Variants in STIM2 observed in about 807,000 individuals in gnomAD.
STIM2 encodes the protein stromal interaction molecule 2.
In STIM2, 31 loss-of-function variants were observed where a neutral mutation model predicts 85.8. That is an observed-to-expected ratio of 0.36 (90% confidence interval 0.27 to 0.49). STIM2 has a LOEUF of 0.49. STIM2 is among the 20% of genes least tolerant of loss of function. The probability of loss-of-function intolerance (pLI) is 0.98; values close to 1 mark genes in which losing one functional copy is unlikely to be tolerated. For synonymous variants in STIM2, 356 were observed against 331.1 expected (o/e 1.08, Z -0.82); for missense variants, 841 against 927.6 (o/e 0.91, Z 1.21).
chr4:27,017,866 C>G lies in STIM2; in HGVS notation c.1645C>G (p.His549Asp). ...CCCTCGGCACCCTCACCACCCGCAA[C>G]ACACACCACACTCCTTGCCTTCCCC... The change falls in exon 11 of 12, where the codon CAC becomes GAC. Residue 549 changes from histidine (H) to aspartate (D), a missense_variant. Around this residue, in one of 3 missense-constraint regions of STIM2, gnomAD observed 293 missense variants for 284.5 expected, o/e 1.03. Transcript: ENST00000467087. 1 of 1,614,184 alleles carries G rather than the reference C, an allele frequency of 6.2e-7. No individual in the cohort carries two copies. The highest frequency in any genetic ancestry group is 8.5e-7 in the Non-Finnish European group (1 of 1,180,038).
intron 3 of STIM2, among the ~76,000 whole-genome samples, chr4:26,970,249 ATGTAT>A (rs1163385724): frequency 3.3e-5 from 4 of 121,520 alleles, no homozygotes; most frequent in Non-Finnish European, 5.1e-5. Flanking sequence ...ATATATATGT[ATGTAT>A]TTTTTTATTA....
chr4:26,980,938 C>G (rs1035828996), intron 3 of STIM2, among the ~76,000 whole-genome samples: 2 of 152,064 alleles, frequency 1.3e-5, no homozygotes, highest in East Asian at 3.8e-4. Flanking sequence ...GGATAAGGAG[C>G]CCTTCCTTAC....
intron 8 of STIM2, chr4:27,007,969 C>T (rs1340892714): frequency 1.4e-6 from 1 of 719,426 alleles, no homozygotes; most frequent in African/African-American, 1.7e-5. Flanking sequence ...TTATACAGAG[C>T]TTTTTTCCTC....
chr4:26,900,065 A>C (rs1003915446), intron 1 of STIM2, among the ~76,000 whole-genome samples: 4 of 152,190 alleles, frequency 2.6e-5, no homozygotes, highest in Non-Finnish European at 5.9e-5. Context: ...TTTTGAAATT[A>C]GGGAATGTAG....
intron 2 of STIM2, among the ~76,000 whole-genome samples, chr4:26,929,709 G>A (rs965934345): frequency 2.6e-5 from 4 of 151,488 alleles, no homozygotes; most frequent in African/African-American, 7.3e-5. Flanking sequence ...ATTTAATATT[G>A]AGCTAATATC....
In STIM2 at chr4:27,023,857, G is replaced by GA. The variant is rs530240598; in HGVS notation, c.*862dup. 1 of 152,730 alleles carries GA rather than the reference G, an allele frequency of 6.5e-6. No individual in the cohort carries two copies. Among genetic ancestry groups the GA allele is most frequent in the South Asian group, 2.1e-4 (1 of 4,830 alleles). The allele number at this position is 152,730 out of a possible 1,614,324, so 9.5% of individuals were successfully genotyped here. A position where few individuals can be genotyped will look rare whatever the true frequency, so the allele number is the denominator to read the frequency against. On this transcript the variant is annotated 3_prime_UTR_variant, in exon 12 of 12. Transcript: ENST00000467087. ...TCACAACCTTAAGCCGAGGTGGGGG[G>GA]ATATGGGGATTCAGGCAATTGTTTA...
chr4:26,903,201 G>A (rs1723990598), intron 1 of STIM2, among the ~76,000 whole-genome samples: 1 of 152,034 alleles, frequency 6.6e-6, no homozygotes, highest in Non-Finnish European at 1.5e-5. Flanking sequence ...AAAATAACTT[G>A]GCCCCCTACC....
At chr4:26,873,715 T>C in intron 1 of STIM2, 3 of 849,892 alleles carry the variant, frequency 3.5e-6, no homozygotes, top group Non-Finnish European at 4.0e-6. Flanking sequence ...GGACAGCTTC[T>C]GGAGATGCTG....
At chr4:26,974,824 A>C (rs1427375023) in intron 3 of STIM2, among the ~76,000 whole-genome samples, 2 of 152,128 alleles carry the variant, frequency 1.3e-5, no homozygotes, top group African/African-American at 4.8e-5. Flanking sequence ...TAATATACTG[A>C]AGAGTGTTTT....
At chr4:26,888,982 C>A (rs961559759) in intron 1 of STIM2, among the ~76,000 whole-genome samples, 1 of 152,142 alleles carries the variant, frequency 6.6e-6, no homozygotes, top group South Asian at 2.1e-4. Context: ...AGGTGGTAGT[C>A]TTAATGTCGG....
chr4:26,875,929 TTTA>T (rs1196569077), intron 1 of STIM2, among the ~76,000 whole-genome samples: 3 of 152,190 alleles, frequency 2.0e-5, no homozygotes, highest in African/African-American at 7.2e-5. Context: ...TTATCATCCT[TTTA>T]TTATTAGGAA....
At chr4:26,959,360 G>A (rs1726367275) in intron 3 of STIM2, among the ~76,000 whole-genome samples, 2 of 151,978 alleles carry the variant, frequency 1.3e-5, no homozygotes, top group African/African-American at 2.4e-5. Flanking sequence ...TCTTTATCAA[G>A]GGTTATGGTC....
intron 11 of STIM2, chr4:27,019,718 G>T: frequency 5.8e-6 from 2 of 343,622 alleles, no homozygotes; most frequent in Non-Finnish European, 5.7e-6. Context: ...TCGCTCTGTT[G>T]GAATGTTCTA....
At chr4:26,871,386 T>C (rs1722605537) in intron 1 of STIM2, among the ~76,000 whole-genome samples, 1 of 152,222 alleles carries the variant, frequency 6.6e-6, no homozygotes, top group Admixed American at 6.5e-5. Context: ...TGATTAATGT[T>C]ACATTGTAGA....
intron 3 of STIM2, among the ~76,000 whole-genome samples, chr4:26,970,219 A>G (rs1465013185): frequency 4.2e-3 from 92 of 21,830 alleles, no homozygotes; most frequent in Admixed American, 0.011. Flanking sequence ...ATATATATAT[A>G]TATGTATATA....
At chr4:26,935,859 C>T (rs1036747092) in intron 2 of STIM2, among the ~76,000 whole-genome samples, 2 of 152,110 alleles carry the variant, frequency 1.3e-5, no homozygotes, top group African/African-American at 2.4e-5. Flanking sequence ...TATATTTTTA[C>T]AGTTCTTTTA....
intron 7 of STIM2, among the ~76,000 whole-genome samples, chr4:27,005,880 A>C (rs1285532748): frequency 6.6e-6 from 1 of 152,240 alleles, no homozygotes; most frequent in Admixed American, 6.5e-5. Flanking sequence ...TAAAGAGAGT[A>C]ACTTGAATGA....
chr4:26,983,002 T>C (rs1342508131), intron 3 of STIM2, among the ~76,000 whole-genome samples: 1 of 152,206 alleles, frequency 6.6e-6, no homozygotes, highest in Non-Finnish European at 1.5e-5. Context: ...GGGCCTGCCT[T>C]ATGTGGGCCT....
chr4:26,985,289 A>AT (rs1314842542), intron 3 of STIM2, among the ~76,000 whole-genome samples: 1 of 152,164 alleles, frequency 6.6e-6, no homozygotes, highest in Non-Finnish European at 1.5e-5. Flanking sequence ...AAAAATTCTT[A>AT]TTTTTAAATC....
Sources: allele counts gnomAD v4.1 joint callset (sites outside exome capture counted in the v4.1 genomes callset), GRCh38; gene constraint gnomAD v4.1.1; regional missense constraint gnomAD v4.1.1; transcripts MANE v1.5; gene names NCBI Gene and HGNC (gene_info 2026-07-23, HGNC 2026-07-21).